Variants in PCM1 observed in about 807,000 individuals in gnomAD.
PCM1 encodes pericentriolar material 1.
Under a neutral mutation model 241.9 loss-of-function variants are expected in PCM1, and 157 were observed. The ratio of observed to expected loss-of-function variants is 0.65; its 90% CI spans 0.57 to 0.74. The LOEUF (loss-of-function observed/expected upper bound fraction) is 0.74, where lower values mean the gene tolerates loss of function less well. PCM1 is among the 30% of genes least tolerant of loss of function. The pLI, the probability that PCM1 is intolerant of heterozygous loss-of-function variation, is 0.00. For synonymous variants in PCM1, 1,085 were observed against 784.9 expected, an observed-to-expected ratio of 1.38 and a Z score of -6.39; for missense variants, 3,478 against 2,360.1, an observed-to-expected ratio of 1.47 and a Z score of -9.81.
chr8:17,954,772 G>A (rs2067405366), intron 9 of PCM1, among the ~76,000 whole-genome samples: 1 of 152,176 alleles, frequency 6.6e-6, no homozygotes, highest in East Asian at 1.9e-4. Context: ...CCTCTTGAAA[G>A]CATGATTTAT....
chr8:17,953,981 T>C (rs1246015619), intron 9 of PCM1, among the ~76,000 whole-genome samples: 3 of 152,238 alleles, frequency 2.0e-5, no homozygotes, highest in African/African-American at 7.2e-5. Context: ...CTGGTCCTTA[T>C]TCTCCACCTA....
rs938801442 is a variant in PCM1 at position 18,029,680 on chromosome 8, A to G, written c.*2018A>G. 5.0e-6 allele frequency: 1 copy of G among 198,628 alleles called. No homozygotes were observed. The highest frequency in any genetic ancestry group is 1.0e-5 in the Non-Finnish European group (1 of 96,204). 12.3% of individuals were successfully genotyped at this position (198,628 alleles called of 1,614,324 possible). On this transcript the variant is annotated 3_prime_UTR_variant, in exon 39 of 39. Coordinates refer to ENST00000325083, the MANE Select transcript of PCM1 (RefSeq NM_006197.4). ...AAATACGTAGGGTTTGAGAGCAGATATATTTATTTAATCTGTTTTCTCTAG... is the reference window on the plus strand; with the variant it reads ...AAATACGTAGGGTTTGAGAGCAGATGTATTTATTTAATCTGTTTTCTCTAG...
intron 27 of PCM1, 85 bp from the exon 28 acceptor site, chr8:17,991,457 G>C (rs886252350): frequency 4.2e-6 from 5 of 1,183,544 alleles, no homozygotes; most frequent in Non-Finnish European, 5.9e-6. Flanking sequence ...CTTTTGTTTG[G>C]ACATTTTTTT....
At position 17,924,369 on chromosome 8, in the gene PCM1, A is replaced by G. The variant is rs2056011004; in HGVS notation, c.-90-344A>G. Among the ~76,000 whole-genome samples, 3 of 152,254 alleles carry G rather than the reference A, an allele frequency of 2.0e-5. No homozygotes were observed. The South Asian group carries it at 6.2e-4, about 31-fold the overall frequency. On this transcript the variant is annotated intron_variant, in intron 1 of 38. Transcript: ENST00000325083. ...ATCATCGGATATACGAGGTTGTTAC[A>G]TAGTTTGAGTAACAGGAAGCTCGAT...
chr8:17,938,069 C>G (rs954157083), intron 4 of PCM1, among the ~76,000 whole-genome samples: 5 of 151,998 alleles, frequency 3.3e-5, no homozygotes, highest in Non-Finnish European at 7.4e-5. Context: ...GGGTCCAAAG[C>G]GTATAAAAAT....
chr8:17,940,289 A>C, intron 6 of PCM1: 1 of 569,418 alleles, frequency 1.8e-6, no homozygotes. Flanking sequence ...TCAAATTGTT[A>C]ATGCTGTATG....
At chr8:17,953,697 A>G (rs2066925197) in intron 9 of PCM1, among the ~76,000 whole-genome samples, 1 of 152,212 alleles carries the variant, frequency 6.6e-6, no homozygotes, top group Admixed American at 6.5e-5. Context: ...TATATAAATA[A>G]TCATCTCAAG....
At chr8:17,962,987 G>C (rs1177157828) in intron 16 of PCM1, 114 bp from the exon 17 acceptor site, 2 of 672,408 alleles carry the variant, frequency 3.0e-6, no homozygotes, top group Non-Finnish European at 2.5e-6. Context: ...GTGTGAAAAG[G>C]AGAGAATGAG....
At chr8:18,001,013 G>A (rs2089210650) in intron 29 of PCM1, among the ~76,000 whole-genome samples, 1 of 152,170 alleles carries the variant, frequency 6.6e-6, no homozygotes, top group South Asian at 2.1e-4. Flanking sequence ...GCTGGAGATA[G>A]ACATAAGGTA....
intron 4 of PCM1, among the ~76,000 whole-genome samples, chr8:17,937,589 C>T (rs961118612): frequency 1.3e-4 from 20 of 152,098 alleles, no homozygotes; most frequent in African/African-American, 4.8e-4. Context: ...TAAAGACATG[C>T]ATTTCTGGAC....
intron 23 of PCM1, among the ~76,000 whole-genome samples, chr8:17,975,822 T>C (rs1282962450): frequency 6.6e-6 from 1 of 152,232 alleles, no homozygotes; most frequent in Admixed American, 6.5e-5. Context: ...AAATAGATAT[T>C]GCATATGAGG....
intron 2 of PCM1, among the ~76,000 whole-genome samples, chr8:17,929,994 C>T (rs955550245): frequency 2.0e-5 from 3 of 152,024 alleles, no homozygotes; most frequent in Non-Finnish European, 4.4e-5. Flanking sequence ...CACAAAACTG[C>T]AGATAAGGTG....
intron 7 of PCM1, among the ~76,000 whole-genome samples, 160 bp from the exon 8 acceptor site, chr8:17,950,455 A>G (rs1053027347): frequency 9.2e-5 from 14 of 152,238 alleles, no homozygotes; most frequent in African/African-American, 3.4e-4. Context: ...GGTAACTTCT[A>G]ATAAAATGAT....
chr8:17,960,212 C>T (rs1248146756), intron 14 of PCM1, 47 bp downstream of exon 14: 9 of 1,549,114 alleles, frequency 5.8e-6, no homozygotes, highest in African/African-American at 2.8e-5. Context: ...AAATTTAGTG[C>T]CTGTTTTGGA....
In PCM1 at chr8:18,011,845, G is replaced by T; in HGVS notation, c.5511+18G>T. The T allele has an allele frequency of 1.9e-6, 3 of 1,598,386 alleles. No individual in the cohort carries two copies. Among genetic ancestry groups the T allele is most frequent in the Non-Finnish European group, 2.6e-6 (3 of 1,173,378 alleles). ...ATGAACAGGTATTCCCGTATTGACTGACACACTTCCATCAGCCTTATTTTA... is the reference window on the plus strand; with the variant it reads ...ATGAACAGGTATTCCCGTATTGACTTACACACTTCCATCAGCCTTATTTTA... On this transcript the variant is annotated intron_variant, in intron 34 of 38. Coordinates refer to ENST00000325083, the MANE Select transcript of PCM1 (RefSeq NM_006197.4).
intron 16 of PCM1, among the ~76,000 whole-genome samples, chr8:17,962,504 T>C (rs1252585552): frequency 6.6e-6 from 1 of 152,206 alleles, no homozygotes; most frequent in Non-Finnish European, 1.5e-5. Context: ...ATAGTAATCA[T>C]TTCAGTTAGA....
chr8:17,962,182 A>G lies in PCM1; in HGVS notation c.2463+8A>G, dbSNP rs539557589. The G allele has an allele frequency of 1.3e-5, 21 of 1,595,964 alleles. No homozygotes were observed. The South Asian group carries it at 2.0e-4, about 15-fold the overall frequency. ...TCAATAGTAGATAATGAGGTATTGT[A>G]AATTGTACTCTCTTGTTCCTGAGTT... On this transcript the variant is annotated splice_region_variant and intron_variant, in intron 16 of 38. Transcript: ENST00000325083.
intron 24 of PCM1, chr8:17,982,411 A>C (rs2081175113): frequency 6.6e-6 from 1 of 152,222 alleles, no homozygotes; most frequent in Non-Finnish European, 1.5e-5. Flanking sequence ...TTAGTGAAAT[A>C]TAATGATTGA....
intron 26 of PCM1, among the ~76,000 whole-genome samples, chr8:17,986,478 TAA>T (rs59505499): frequency 7.2e-4 from 87 of 121,428 alleles, no homozygotes; most frequent in Non-Finnish European, 8.7e-4. Flanking sequence ...GTCTTTGGGT[TAA>T]AAAAAAAAAA....
Sources: gnomAD v4.1 joint callset for allele counts (sites outside exome capture counted in the v4.1 genomes callset) on GRCh38, gnomAD v4.1.1 for gene constraint, MANE v1.5 for transcripts, NCBI Gene and HGNC (gene_info 2026-07-23, HGNC 2026-07-21) for gene names.